The following AGBL1 variants were observed in gnomAD, a reference collection of about 807,000 sequenced individuals.
AGBL1 encodes the protein cytosolic carboxypeptidase 4.
In AGBL1, 130 loss-of-function variants were observed where a neutral mutation model predicts 118.9. The observed-to-expected ratio is 1.09, with a 90% confidence interval of 0.95 to 1.26. The LOEUF (loss-of-function observed/expected upper bound fraction) is 1.26. Ranked by LOEUF, AGBL1 falls within the 50% of genes most tolerant of loss-of-function variation. The pLI is 0.00. For missense variants in AGBL1, 1,584 were observed against 1,298.1 expected (o/e 1.22, Z -3.38); for synonymous variants, 555 against 478.9 (o/e 1.16, Z -2.08).
Position 86,738,821 on chromosome 15 carries a change from C to T in AGBL1, c.3158+64385C>T, listed in dbSNP as rs115721311. On this transcript the variant is annotated intron_variant, in intron 22 of 22. Coordinates refer to ENST00000614907, the MANE Select transcript of AGBL1 (RefSeq NM_001386094.1). ...GTTGTGTGGGGGAAGATAATTTGAC[C>T]ATGAAGCCACTTCTACATACTTAAA... 6.4e-3 allele frequency among the ~76,000 whole-genome samples: 980 copies of T among 151,974 alleles called. 7 individuals carry two copies. The highest frequency in any genetic ancestry group is 0.022 in the African/African-American group (923 of 41,438).
chr15:86,539,301 C>T (rs1300949488), intron 19 of AGBL1, among the ~76,000 whole-genome samples: 1 of 152,192 alleles, frequency 6.6e-6, no homozygotes, highest in Admixed American at 6.5e-5. Flanking sequence ...TTATTCCTAA[C>T]CTCTTCCTTT....
At chr15:86,860,847 A>G (rs541741910) in intron 22 of AGBL1, among the ~76,000 whole-genome samples, 2 of 151,958 alleles carry the variant, frequency 1.3e-5, no homozygotes, top group African/African-American at 2.4e-5. Flanking sequence ...GCTTGCACCT[A>G]TCATGGGCAG....
intron 16 of AGBL1, among the ~76,000 whole-genome samples, chr15:86,286,723 G>GTT (rs1430618299): frequency 1.3e-5 from 1 of 79,998 alleles, no homozygotes; most frequent in Non-Finnish European, 2.6e-5. Context: ...ATGTGTGTGT[G>GTT]TGTTTGTGTG....
intron 1 of AGBL1, among the ~76,000 whole-genome samples, chr15:86,136,953 A>AT (rs989949967): frequency 1.3e-5 from 2 of 152,064 alleles, no homozygotes; most frequent in African/African-American, 2.4e-5. Flanking sequence ...TTTTTATAGG[A>AT]TTTTTTTCAA....
At chr15:86,251,746 A>G (rs2078818683) in intron 7 of AGBL1, among the ~76,000 whole-genome samples, 1 of 152,034 alleles carries the variant, frequency 6.6e-6, no homozygotes, top group Admixed American at 6.6e-5. Flanking sequence ...GTGCTGTGTA[A>G]TGTAGTATAA....
chr15:86,638,341 G>C (rs1378062790), intron 21 of AGBL1, among the ~76,000 whole-genome samples: 1 of 152,180 alleles, frequency 6.6e-6, no homozygotes. Flanking sequence ...TGTGGGATCT[G>C]GCTCTTTGTA....
At chr15:86,407,064 T>TAGA (rs1167503633) in intron 18 of AGBL1, among the ~76,000 whole-genome samples, 1 of 152,218 alleles carries the variant, frequency 6.6e-6, no homozygotes, top group African/African-American at 2.4e-5. Context: ...TACTAATGGA[T>TAGA]AGAAGTGACT....
At chr15:86,617,741 G>T (rs1288756955) in intron 21 of AGBL1, among the ~76,000 whole-genome samples, 1 of 149,306 alleles carries the variant, frequency 6.7e-6, no homozygotes, top group South Asian at 2.2e-4. Context: ...TGGCAATTCT[G>T]TGTGATTCAA....
In AGBL1 at chr15:86,893,144, A is replaced by G. The variant is rs186764003; in HGVS notation, c.3159-13943A>G. ...TGAGATGCAGCCAGAGTTGCGTTTCATTAGAAGGAGACATTCGGTGGAGCT... is the reference window on the plus strand; with the variant it reads ...TGAGATGCAGCCAGAGTTGCGTTTCGTTAGAAGGAGACATTCGGTGGAGCT... On this transcript the variant is annotated intron_variant, in intron 22 of 22. Transcript: ENST00000614907. Among the ~76,000 whole-genome samples, 8 of 152,254 alleles carry G rather than the reference A, an allele frequency of 5.3e-5. No homozygotes were observed. The East Asian group carries it at 1.2e-3, about 22-fold the overall frequency.
At chr15:86,938,219 T>C (rs925067543) in intron 23 of AGBL1, among the ~76,000 whole-genome samples, 2 of 152,096 alleles carry the variant, frequency 1.3e-5, no homozygotes, top group African/African-American at 4.8e-5. Context: ...TGTGAAGAGA[T>C]GAGCTATGAA....
intron 23 of AGBL1, among the ~76,000 whole-genome samples, chr15:86,936,697 A>T (rs1056766354): frequency 6.6e-6 from 1 of 152,218 alleles, no homozygotes; most frequent in East Asian, 1.9e-4. Flanking sequence ...ACTGTAAAAA[A>T]TCCTGGAAGA....
rs576638783 is a variant in AGBL1 at position 86,080,932 on chromosome 15, TG to T, written c.51+914del. Among the ~76,000 whole-genome samples, 322 of 137,746 alleles carry T rather than the reference TG, an allele frequency of 2.3e-3. 12 individuals are homozygous for T. In the South Asian group the frequency reaches 0.071, roughly 31 times the overall value. 90.4% of individuals were successfully genotyped at this position (137,746 alleles called of 152,430 possible). ...AAGGGGTCACAAGATGATGGGCTTG[TG>T]GGGGCGGGGGGGGGTCCATGACCCC... On this transcript the variant is annotated intron_variant, in intron 1 of 22. Transcript: ENST00000614907.
intron 18 of AGBL1, among the ~76,000 whole-genome samples, chr15:86,493,001 A>T (rs1411873265): frequency 6.6e-6 from 1 of 152,046 alleles, no homozygotes; most frequent in African/African-American, 2.4e-5. Context: ...ATCCTGGCCG[A>T]AGGCCAACAT....
At chr15:86,799,161 TTTTATTTTAC>T (rs2078615112) in intron 22 of AGBL1, among the ~76,000 whole-genome samples, 1 of 151,862 alleles carries the variant, frequency 6.6e-6, no homozygotes, top group Admixed American at 6.6e-5. Context: ...TTTTATTTTA[TTTTATTTTAC>T]TTTATTTTAT....
intron 22 of AGBL1, among the ~76,000 whole-genome samples, chr15:86,874,704 C>A (rs891774504): frequency 6.6e-6 from 1 of 152,162 alleles, no homozygotes; most frequent in South Asian, 2.1e-4. Flanking sequence ...TGGGATTAAC[C>A]TTTAGAACAG....
chr15:86,119,685 GTGTA>G (rs1229770314), intron 1 of AGBL1, among the ~76,000 whole-genome samples: 1 of 143,824 alleles, frequency 7.0e-6, no homozygotes. Flanking sequence ...GTGTGTGTGT[GTGTA>G]TGTATTTGCA....
intron 5 of AGBL1, among the ~76,000 whole-genome samples, chr15:86,198,133 A>G (rs1445772506): frequency 6.6e-6 from 1 of 152,188 alleles, no homozygotes; most frequent in Non-Finnish European, 1.5e-5. Flanking sequence ...AAAATCTAAC[A>G]GAATTTGCCT....
chr15:86,370,884 C>G (rs183867828), intron 17 of AGBL1, among the ~76,000 whole-genome samples: 8 of 152,132 alleles, frequency 5.3e-5, no homozygotes, highest in African/African-American at 1.4e-4. Flanking sequence ...ACTTGAGTGC[C>G]AAAGTGATCA....
intron 17 of AGBL1, among the ~76,000 whole-genome samples, chr15:86,359,533 G>T (rs1424143380): frequency 2.7e-5 from 4 of 148,720 alleles, no homozygotes; most frequent in Admixed American, 1.4e-4. Flanking sequence ...ACAGTCTTTT[G>T]TGTTCCATAT....
Sources: gnomAD v4.1 joint callset for allele counts (sites outside exome capture counted in the v4.1 genomes callset) on GRCh38, gnomAD v4.1.1 for gene constraint, MANE v1.5 for transcripts, NCBI Gene and HGNC (gene_info 2026-07-23, HGNC 2026-07-21) for gene names.